SLC2A4: variants seen among roughly 807,000 people sequenced by gnomAD.
SLC2A4 encodes solute carrier family 2 member 4.
Under a neutral mutation model 53.3 loss-of-function variants are expected in SLC2A4, and 31 were observed. That is an observed-to-expected ratio of 0.58 (90% CI 0.44 to 0.78). The LOEUF (loss-of-function observed/expected upper bound fraction) is 0.78. Ranked by LOEUF, SLC2A4 falls within the 30% of genes least tolerant of loss-of-function variation. SLC2A4 has a pLI of 0.00. For synonymous variants in SLC2A4, 276 were observed against 281.9 expected, an observed-to-expected ratio of 0.98 and a Z score of 0.21; for missense variants, 538 against 655.7, an observed-to-expected ratio of 0.82 and a Z score of 1.96.
rs779879208 is a variant in SLC2A4, at chr17:7,284,890, A to G, written c.971A>G (p.Tyr324Cys). The change falls in exon 8 of 11, where the codon TAT becomes TGT. Residue 324 changes from tyrosine (Y) to cysteine (C), a missense_variant. Transcript: ENST00000317370. This position sits in a 1 kb window ranked among gnomAD's most constrained non-coding sequence, Gnocchi z 7.5. ...ACAGCAGGGGTAGGCCAGCCTGCCT[A>G]TGCCACCATAGGAGCTGGTGTGGTC... ...FETAGVGQPA[Y>C]ATIGAGVVNT... The G allele has an allele frequency of 1.2e-6, 2 of 1,614,094 alleles. No individual in the cohort carries two copies. The highest frequency in any genetic ancestry group is 1.3e-5 in the African/African-American group (1 of 75,024).
rs2072424341 is a variant in SLC2A4, at chr17:7,283,837, A to G, written c.423A>G (p.Gly141=). The change falls in exon 4 of 11, where the codon GGA becomes GGG. Residue 141 remains glycine, a synonymous_variant. Coordinates refer to ENST00000317370, the MANE Select transcript of SLC2A4 (RefSeq NM_001042.3). The surrounding 1 kb of genome is among the most constrained non-coding windows in gnomAD (Gnocchi z 5.8). The part of the protein sequence containing the change: ...AAASYEMLIL[G]RFLIGAYSGL... ...CCTCCTATGAAATGCTCATCCTTGG[A>G]CGATTCCTCATTGGCGCCTACTCAG... 1 of 1,614,004 alleles carries G rather than the reference A, an allele frequency of 6.2e-7. No homozygotes were observed. Among genetic ancestry groups the G allele is most frequent in the Non-Finnish European group, 8.5e-7 (1 of 1,179,974 alleles).
chr17:7,285,637 G>A lies in SLC2A4; in HGVS notation c.1123-68G>A. On this transcript the variant is annotated intron_variant, in intron 9 of 10. Coordinates refer to ENST00000317370, the MANE Select transcript of SLC2A4 (RefSeq NM_001042.3). This position sits in a 1 kb window ranked among gnomAD's most constrained non-coding sequence, Gnocchi z 6.0. ...GGAGGGGGTTAGGTTTCACTTCTCT[G>A]AGTTGAGGGCAAGGGAAGATCAGAA... 1 of 1,504,706 alleles carries A rather than the reference G, an allele frequency of 6.6e-7. No individual in the cohort carries two copies. The allele number at this position is 1,504,706 out of a possible 1,614,324, so 93.2% of individuals were successfully genotyped here.
rs1384200861 is a variant in SLC2A4, at chr17:7,285,635, C to CT, written c.1123-69dup. 1.3e-6 allele frequency: 2 copies of CT among 1,502,694 alleles called. No homozygotes were observed. The highest frequency in any genetic ancestry group is 2.7e-5 in the African/African-American group (2 of 72,800). The allele number at this position is 1,502,694 out of a possible 1,614,324, so 93.1% of individuals were successfully genotyped here. A position where few individuals can be genotyped will look rare whatever the true frequency, so the allele number is the denominator to read the frequency against. On this transcript the variant is annotated intron_variant, in intron 9 of 10. Transcript: ENST00000317370. This position sits in a 1 kb window ranked among gnomAD's most constrained non-coding sequence, Gnocchi z 6.0. ...GCGGAGGGGGTTAGGTTTCACTTCTCTGAGTTGAGGGCAAGGGAAGATCAG... is the reference window on the plus strand; with the variant it reads ...GCGGAGGGGGTTAGGTTTCACTTCTCTTGAGTTGAGGGCAAGGGAAGATCAG...
Position 7,285,677 on chromosome 17 carries a change from T to C in SLC2A4, c.1123-28T>C, listed in dbSNP as rs1567602694. ...GAAGATCAGAAAGGCCTCAACTGGA[T>C]TCTCCACCCTCCCTGTCTGGCCCCT... On this transcript the variant is annotated intron_variant, in intron 9 of 10. Transcript: ENST00000317370. This position sits in a 1 kb window ranked among gnomAD's most constrained non-coding sequence, Gnocchi z 6.0. 13 of 1,611,394 alleles carry C rather than the reference T, an allele frequency of 8.1e-6. No individual in the cohort carries two copies. The highest frequency in any genetic ancestry group is 1.0e-5 in the Non-Finnish European group (12 of 1,177,562).
At position 7,283,542 on chromosome 17, in the gene SLC2A4, C is replaced by T; in HGVS notation, c.220C>T (p.Pro74Ser). ...QGPEGPSSIP[P>S]GTLTTLWALS... ...GCCTGAGGGACCCAGCTCCATCCCT[C>T]CAGGCACCCTCACCACCCTCTGGGC... is the stretch of plus-strand genomic sequence containing the variant. The change falls in exon 3 of 11, where the codon CCA (proline) becomes TCA (serine). Residue 74 changes from proline to serine, a missense_variant. Physicochemically the swap from Pro to Ser is moderately conservative, Grantham distance 74. Transcript: ENST00000317370. The surrounding 1 kb of genome is among the most constrained non-coding windows in gnomAD (Gnocchi z 5.8). 4 of 1,614,032 alleles carry T rather than the reference C, an allele frequency of 2.5e-6. No individual in the cohort carries two copies. The highest frequency in any genetic ancestry group is 3.4e-6 in the Non-Finnish European group (4 of 1,179,992).
chr17:7,285,247 GTC>G lies in SLC2A4; in HGVS notation c.1122+62_1122+63del, dbSNP rs1291363674. 3.6e-6 allele frequency: 5 copies of G among 1,403,964 alleles called. No individual in the cohort carries two copies. Among genetic ancestry groups the G allele is most frequent in the Admixed American group, 3.9e-5 (2 of 51,038 alleles). 87.0% of individuals were successfully genotyped at this position (1,403,964 alleles called of 1,614,324 possible). A position where few individuals can be genotyped will look rare whatever the true frequency, so the allele number is the denominator to read the frequency against. On this transcript the variant is annotated intron_variant, in intron 9 of 10. Coordinates refer to ENST00000317370, the MANE Select transcript of SLC2A4 (RefSeq NM_001042.3). This position sits in a 1 kb window ranked among gnomAD's most constrained non-coding sequence, Gnocchi z 6.0. ...CCACCCCATGGGAATGGTCCTGTGAGTCTCTGTGACCAGCCAGGGTCCCTTCT... is the reference window on the plus strand; with the variant it reads ...CCACCCCATGGGAATGGTCCTGTGAGTCTGTGACCAGCCAGGGTCCCTTCT...
In SLC2A4 at chr17:7,284,048, C is replaced by T; in HGVS notation, c.523C>T (p.Leu175Phe). The T allele has an allele frequency of 1.2e-6, 2 of 1,614,018 alleles. No individual in the cohort carries two copies. The highest frequency in any genetic ancestry group is 2.2e-5 in the South Asian group (2 of 91,060). The change falls in exon 5 of 11, where the codon CTC becomes TTC. Residue 175 changes from leucine to phenylalanine, a missense_variant. By Grantham distance (22) the Leu-to-Phe change is conservative. Transcript: ENST00000317370. The surrounding 1 kb of genome is among the most constrained non-coding windows in gnomAD (Gnocchi z 7.5). The part of the protein sequence containing the change: ...PTHLRGALGT[L>F]NQLAIVIGIL... ...TCACCTGCGGGGCGCCCTGGGGACG[C>T]TCAACCAACTGGCCATTGTTATCGG...
chr17:7,284,039 C>T lies in SLC2A4; in HGVS notation c.514C>T (p.Leu172=), dbSNP rs1597599642. ...TGCTCCCACTCACCTGCGGGGCGCC[C>T]TGGGGACGCTCAACCAACTGGCCAT... ...EIAPTHLRGA[L]GTLNQLAIVI... is the part of the protein sequence containing the mutation. Residue 172 remains leucine, a synonymous_variant, in exon 5 of 11, where the codon CTG becomes TTG. Coordinates refer to ENST00000317370, the MANE Select transcript of SLC2A4 (RefSeq NM_001042.3). The surrounding 1 kb of genome is among the most constrained non-coding windows in gnomAD (Gnocchi z 7.5). 6.2e-7 allele frequency: 1 copy of T among 1,614,008 alleles called. No homozygotes were observed. The highest frequency in any genetic ancestry group is 8.5e-7 in the Non-Finnish European group (1 of 1,179,954).
At position 7,284,423 on chromosome 17, in the gene SLC2A4, C is replaced by T. The variant is rs1377705594; in HGVS notation, c.727+44C>T. 6.2e-7 allele frequency: 1 copy of T among 1,614,122 alleles called. No individual in the cohort carries two copies. The highest frequency in any genetic ancestry group is 1.6e-4 in the Middle Eastern group (1 of 6,062). ...GCCTGGCCCAGGCCCATGCCTCCGCCTCATCTTGCTAGCACCTGGCTTCCT... is the reference window on the plus strand; with the variant it reads ...GCCTGGCCCAGGCCCATGCCTCCGCTTCATCTTGCTAGCACCTGGCTTCCT... On this transcript the variant is annotated intron_variant, in intron 6 of 10. Transcript: ENST00000317370. This position sits in a 1 kb window ranked among gnomAD's most constrained non-coding sequence, Gnocchi z 7.5.
Position 7,284,095 on chromosome 17 carries a change from C to T in SLC2A4, c.564+6C>T, listed in dbSNP as rs745987018. 55 of 1,612,736 alleles carry T rather than the reference C, an allele frequency of 3.4e-5. No homozygotes were observed. Among genetic ancestry groups the T allele is most frequent in the South Asian group, 2.3e-4 (21 of 90,968 alleles). ...TCGGCATTCTGATCGCCCAGGTGACCGGAGCAAGCCTCATGGGTGCCTGGG... is the reference window on the plus strand; with the variant it reads ...TCGGCATTCTGATCGCCCAGGTGACTGGAGCAAGCCTCATGGGTGCCTGGG... On this transcript the variant is annotated splice_donor_region_variant and intron_variant, in intron 5 of 10. Transcript: ENST00000317370. This position sits in a 1 kb window ranked among gnomAD's most constrained non-coding sequence, Gnocchi z 7.5.
At position 7,285,700 on chromosome 17, in the gene SLC2A4, C is replaced by T. The variant is rs377641775; in HGVS notation, c.1123-5C>T. 23 of 1,614,140 alleles carry T rather than the reference C, an allele frequency of 1.4e-5. No homozygotes were observed. In the Middle Eastern group the frequency reaches 5.0e-4, roughly 35 times the overall value. On this transcript the variant is annotated splice_region_variant and splice_polypyrimidine_tract_variant and intron_variant, in intron 9 of 10. Coordinates refer to ENST00000317370, the MANE Select transcript of SLC2A4 (RefSeq NM_001042.3). The surrounding 1 kb of genome is among the most constrained non-coding windows in gnomAD (Gnocchi z 6.0). ...GATTCTCCACCCTCCCTGTCTGGCC[C>T]CTAGGAGCGAGTTCCAGCCATGAGC...
rs2072456353 is a variant in SLC2A4, at chr17:7,287,034, T to C, written c.*405T>C. The C allele has an allele frequency of 2.2e-5, 5 of 223,902 alleles. No homozygotes were observed. In the South Asian group the frequency reaches 3.5e-4, roughly 16 times the overall value. The allele number at this position is 223,902 out of a possible 1,614,324, so 13.9% of individuals were successfully genotyped here. On this transcript the variant is annotated 3_prime_UTR_variant, in exon 11 of 11. Transcript: ENST00000317370. ...AGAGAGCAGGACAGGAGACAAGAAA[T>C]CCAGTTTCCCACCACCTTGGACTCC...
intron 10 of SLC2A4, 132 bp from the exon 11 acceptor site, chr17:7,286,294 G>A (rs2072448790): frequency 2.5e-6 from 2 of 790,238 alleles, no homozygotes; most frequent in Middle Eastern, 3.2e-4. Context: ...CATTTCCCTT[G>A]TCCCTGGAGG....
Position 7,283,385 on chromosome 17 carries a change from T to G in SLC2A4, c.150+24T>G, listed in dbSNP as rs781146169. 3.1e-6 allele frequency: 5 copies of G among 1,609,632 alleles called. No homozygotes were observed. The African/African-American group carries it at 4.1e-5, about 13-fold the overall frequency. ...AGGTGAGGGCCTGCAGCTGGCAGGG[T>G]GGGGGTACCCAAACGAGGAGGACAG... On this transcript the variant is annotated intron_variant, in intron 2 of 10. Coordinates refer to ENST00000317370, the MANE Select transcript of SLC2A4 (RefSeq NM_001042.3). The surrounding 1 kb of genome is among the most constrained non-coding windows in gnomAD (Gnocchi z 5.8).
chr17:7,281,957 T>C lies in SLC2A4; in HGVS notation c.23T>C (p.Ile8Thr). MPSGFQQIGSEDGEPPQQ... is the reference protein window; with the variant it reads MPSGFQQTGSEDGEPPQQ... ...GAGATGCCGTCGGGCTTCCAACAGA[T>C]AGGCTCCGAAGTAGGATTCATCATG... The change falls in exon 1 of 11, where the codon ATA becomes ACA. Residue 8 changes from isoleucine to threonine, a missense_variant. Ile to Thr is a moderately conservative substitution (Grantham distance 89). Transcript: ENST00000317370. The C allele has an allele frequency of 6.8e-7, 1 of 1,480,948 alleles. No individual in the cohort carries two copies. The highest frequency in any genetic ancestry group is 9.3e-7 in the Non-Finnish European group (1 of 1,081,080). The allele number at this position is 1,480,948 out of a possible 1,614,324, so 91.7% of individuals were successfully genotyped here.
rs1294176870 is a variant in SLC2A4, at chr17:7,286,580, T to C, written c.1481T>C (p.Val494Ala). ...ACACCCTCTCTTTTAGAGCAGGAGG[T>C]GAAACCCAGCACAGAACTTGAGTAT... is the stretch of plus-strand genomic sequence containing the variant. The part of the protein sequence containing the change: ...HRTPSLLEQE[V>A]KPSTELEYLG... The change falls in exon 11 of 11, where the codon GTG becomes GCG. Residue 494 changes from valine (V) to alanine (A), a missense_variant. Physicochemically the swap from Val to Ala is moderately conservative, Grantham distance 64. Transcript: ENST00000317370. 1.2e-6 allele frequency: 2 copies of C among 1,613,954 alleles called. No homozygotes were observed. Among genetic ancestry groups the C allele is most frequent in the South Asian group, 1.1e-5 (1 of 91,050 alleles).
At position 7,287,778 on chromosome 17, in the gene SLC2A4, C is replaced by T. The variant is rs2072464747; in HGVS notation, c.*1149C>T. On this transcript the variant is annotated 3_prime_UTR_variant, in exon 11 of 11. Transcript: ENST00000317370. The stretch of plus-strand genomic sequence containing the variant: ...GGGATTGAGAGAAGAAACCAAAGGT[C>T]GGTTGTACTAAATGTATATATATAG... 1 of 152,162 alleles carries T rather than the reference C, an allele frequency of 6.6e-6. No individual in the cohort carries two copies. The allele number at this position is 152,162 out of a possible 1,614,324, so 9.4% of individuals were successfully genotyped here. A position where few individuals can be genotyped will look rare whatever the true frequency, so the allele number is the denominator to read the frequency against.
intron 10 of SLC2A4, 195 bp downstream of exon 10, chr17:7,286,103 G>T: frequency 1.6e-6 from 1 of 619,998 alleles, no homozygotes; most frequent in Non-Finnish European, 2.8e-6. Context: ...TGAGGTGTCT[G>T]AAACGCACCA....
In SLC2A4 at chr17:7,281,903, C is replaced by G; in HGVS notation, c.-32C>G. 1 of 1,594,240 alleles carries G rather than the reference C, an allele frequency of 6.3e-7. No homozygotes were observed. Among genetic ancestry groups the G allele is most frequent in the Non-Finnish European group, 8.5e-7 (1 of 1,170,100 alleles). ...CCAGGATCGGTTCTTTCATCTTCGC[C>G]GCCCCTGCGCGTCCAGCTCTTCTAA... On this transcript the variant is annotated 5_prime_UTR_variant, in exon 1 of 11. Coordinates refer to ENST00000317370, the MANE Select transcript of SLC2A4 (RefSeq NM_001042.3).
Sources: gnomAD v4.1 joint callset for allele counts on GRCh38, gnomAD v4.1.1 for gene constraint, Gnocchi (gnomAD v3.1) non-coding constraint, MANE v1.5 for transcripts, NCBI Gene and HGNC (gene_info 2026-07-23, HGNC 2026-07-21) for gene names.